The following LFNG variants were observed in gnomAD, a reference collection of about 807,000 sequenced individuals.
The protein encoded by LFNG is beta-1,3-N-acetylglucosaminyltransferase lunatic fringe.
LFNG carries 15 observed loss-of-function variants against 32.7 expected under a neutral mutation model. The ratio of observed to expected loss-of-function variants is 0.46; its 90% CI spans 0.31 to 0.71. The LOEUF (loss-of-function observed/expected upper bound fraction) is 0.71. LFNG is among the 30% of genes least tolerant of loss of function. The pLI is 0.06. For missense variants in LFNG, 520 were observed against 545.7 expected, an observed-to-expected ratio of 0.95 and a Z score of 0.47; for synonymous variants, 274 against 246.8, an observed-to-expected ratio of 1.11 and a Z score of -1.03.
chr7:2,514,937 T>C (rs189187664), upstream of LFNG, among the ~76,000 whole-genome samples: 222 of 152,122 alleles, frequency 1.5e-3, no homozygotes, highest in African/African-American at 5.0e-3. Context: ...CTTCCATCCA[T>C]CCATGTATCT....
At position 2,527,549 on chromosome 7, in the gene LFNG, C is replaced by G. The variant is rs1315395945; in HGVS notation, c.*337C>G. ...TGGATCTTTCTACAGCTACGGGGCTCCGGGCTACTTTGCAGGGATGCGATG... is the reference window on the plus strand; with the variant it reads ...TGGATCTTTCTACAGCTACGGGGCTGCGGGCTACTTTGCAGGGATGCGATG... On this transcript the variant is annotated 3_prime_UTR_variant, in exon 8 of 8. Coordinates refer to ENST00000222725, the MANE Select transcript of LFNG (RefSeq NM_001040167.2). This position sits in a 1 kb window ranked among gnomAD's most constrained non-coding sequence, Gnocchi z 4.4. 1 of 1,266,374 alleles carries G rather than the reference C, an allele frequency of 7.9e-7. No homozygotes were observed. The highest frequency in any genetic ancestry group is 4.1e-5 in the East Asian group (1 of 24,458). The allele number at this position is 1,266,374 out of a possible 1,614,324, so 78.4% of individuals were successfully genotyped here. A position where few individuals can be genotyped will look rare whatever the true frequency, so the allele number is the denominator to read the frequency against.
intron 1 of LFNG, among the ~76,000 whole-genome samples, chr7:2,522,603 G>A (rs1476481797): frequency 2.0e-5 from 3 of 147,188 alleles, no homozygotes; most frequent in Admixed American, 1.3e-4. Flanking sequence ...TCATCCACCC[G>A]GCTCTTCCTC....
upstream of LFNG, among the ~76,000 whole-genome samples, chr7:2,515,508 G>A (rs1779608100): frequency 6.6e-6 from 1 of 152,200 alleles, no homozygotes; most frequent in African/African-American, 2.4e-5. Context: ...CTCAGGCCAG[G>A]ATGCCCCCCG....
Position 2,520,350 on chromosome 7 carries a change from T to A in LFNG, c.432+57T>A. ...AGCGGGGCGGGGACCCACCATCTGGTCCAGCTGGTGGCAGTGTCCCATGGG... is the reference window on the plus strand; with the variant it reads ...AGCGGGGCGGGGACCCACCATCTGGACCAGCTGGTGGCAGTGTCCCATGGG... On this transcript the variant is annotated intron_variant, in intron 1 of 7. Transcript: ENST00000222725. This position sits in a 1 kb window ranked among gnomAD's most constrained non-coding sequence, Gnocchi z 5.0. 1.4e-6 allele frequency: 2 copies of A among 1,481,036 alleles called. No homozygotes were observed. Among genetic ancestry groups the A allele is most frequent in the South Asian group, 1.1e-5 (1 of 87,018 alleles). The allele number at this position is 1,481,036 out of a possible 1,614,324, so 91.7% of individuals were successfully genotyped here.
Position 2,527,937 on chromosome 7 carries a change from TCTC to T in LFNG, c.*729_*731del, listed in dbSNP as rs748765275. 17 of 985,988 alleles carry T rather than the reference TCTC, an allele frequency of 1.7e-5. No individual in the cohort carries two copies. Among genetic ancestry groups the T allele is most frequent in the Non-Finnish European group, 1.9e-5 (16 of 830,394 alleles). The allele number at this position is 985,988 out of a possible 1,614,324, so 61.1% of individuals were successfully genotyped here. ...GGGTGAGTCAGAGCTCAGCATTTAA[TCTC>T]CTCTCCAAAGTAGAGAGCAAGTCGC... On this transcript the variant is annotated 3_prime_UTR_variant, in exon 8 of 8. Transcript: ENST00000222725. The surrounding 1 kb of genome is among the most constrained non-coding windows in gnomAD (Gnocchi z 4.4).
Position 2,520,015 on chromosome 7 carries a change from GC to G in LFNG, c.158del (p.Pro53ArgfsTer92). On this transcript the variant is annotated frameshift_variant, in exon 1 of 8. Transcript: ENST00000222725. LOFTEE classifies it high-confidence loss of function. The surrounding 1 kb of genome is among the most constrained non-coding windows in gnomAD (Gnocchi z 5.0). ...CAGCCTGGCGGGCCCCGCGGGGGCT[GC>G]CCCGGCGCCCGGGCTGGGGGCGGCG... ...LRSLAGPAGA[A>X]PAPGLGAAAA... The G allele has an allele frequency of 2.0e-6, 2 of 998,302 alleles. No individual in the cohort carries two copies. Among genetic ancestry groups the G allele is most frequent in the Non-Finnish European group, 2.4e-6 (2 of 841,764 alleles). The allele number at this position is 998,302 out of a possible 1,614,324, so 61.8% of individuals were successfully genotyped here.
Position 2,520,036 on chromosome 7 carries a change from G to A in LFNG, c.175G>A (p.Ala59Thr), listed in dbSNP as rs1779741096. ...AGAAPAPGLG[A>T]AAAAPGALVR... ...GGCTGCCCCGGCGCCCGGGCTGGGGGCGGCGGCGGCGGCGCCCGGGGCGCT... is the reference window on the plus strand; with the variant it reads ...GGCTGCCCCGGCGCCCGGGCTGGGGACGGCGGCGGCGGCGCCCGGGGCGCT... The change falls in exon 1 of 8, where the codon GCG (alanine) becomes ACG (threonine). Residue 59 changes from alanine (A) to threonine (T), a missense_variant. By Grantham distance (58) the Ala-to-Thr change is moderately conservative (BLOSUM62 0). Transcript: ENST00000222725. The surrounding 1 kb of genome is among the most constrained non-coding windows in gnomAD (Gnocchi z 5.0). 2 of 1,048,520 alleles carry A rather than the reference G, an allele frequency of 1.9e-6. No individual in the cohort carries two copies. Among genetic ancestry groups the A allele is most frequent in the Non-Finnish European group, 2.3e-6 (2 of 874,478 alleles). The allele number at this position is 1,048,520 out of a possible 1,614,324, so 65.0% of individuals were successfully genotyped here. A position where few individuals can be genotyped will look rare whatever the true frequency, so the allele number is the denominator to read the frequency against.
intron 5 of LFNG, 75 bp downstream of exon 5, chr7:2,525,845 TCCCAG>T: frequency 7.6e-7 from 1 of 1,309,686 alleles, no homozygotes; most frequent in Non-Finnish European, 1.1e-6. Context: ...TAGTTCATCT[TCCCAG>T]CCATGGGGTG....
chr7:2,527,709 G>A lies in LFNG; in HGVS notation c.*497G>A, dbSNP rs1780036143. 3 of 1,063,456 alleles carry A rather than the reference G, an allele frequency of 2.8e-6. No individual in the cohort carries two copies. The South Asian group carries it at 8.7e-5, about 31-fold the overall frequency. The allele number at this position is 1,063,456 out of a possible 1,614,324, so 65.9% of individuals were successfully genotyped here. A position where few individuals can be genotyped will look rare whatever the true frequency, so the allele number is the denominator to read the frequency against. On this transcript the variant is annotated 3_prime_UTR_variant, in exon 8 of 8. Coordinates refer to ENST00000222725, the MANE Select transcript of LFNG (RefSeq NM_001040167.2). The surrounding 1 kb of genome is among the most constrained non-coding windows in gnomAD (Gnocchi z 4.4). ...CTCATTGCAGGGGAGGCTGGGTCTG[G>A]GGGTGCGTGACCCAATCCCCTTCCT...
At chr7:2,513,296 C>T, upstream of LFNG, 1 of 1,610,896 alleles carries the variant, frequency 6.2e-7, no homozygotes, top group Non-Finnish European at 8.5e-7. Context: ...AACACCAGCT[C>T]TCAGGTCCTA....
At chr7:2,525,186 C>T in intron 2 of LFNG, 33 bp from the exon 3 acceptor site, 1 of 1,587,932 alleles carries the variant, frequency 6.3e-7, no homozygotes, top group African/African-American at 1.3e-5. Context: ...GGAGCCGGCT[C>T]AGACCTACTC....
At position 2,520,324 on chromosome 7, in the gene LFNG, G is replaced by T; in HGVS notation, c.432+31G>T. 1 of 1,590,002 alleles carries T rather than the reference G, an allele frequency of 6.3e-7. No individual in the cohort carries two copies. The highest frequency in any genetic ancestry group is 1.1e-5 in the South Asian group (1 of 90,116). ...CCCCCCGCGGCCTGGACTGGCGGGCGAGCGGGGCGGGGACCCACCATCTGG... is the reference window on the plus strand; with the variant it reads ...CCCCCCGCGGCCTGGACTGGCGGGCTAGCGGGGCGGGGACCCACCATCTGG... On this transcript the variant is annotated intron_variant, in intron 1 of 7. Transcript: ENST00000222725. This position sits in a 1 kb window ranked among gnomAD's most constrained non-coding sequence, Gnocchi z 5.0.
In LFNG at chr7:2,525,489, C is replaced by G; in HGVS notation, c.657C>G (p.His219Gln). Reference sequence around the variant, plus strand: ...TGCGGCTGCTGGCCAGCTACCCGCACACGCGGGACGTCTACGTCGGCAAGC... The same window carrying G: ...TGCGGCTGCTGGCCAGCTACCCGCAGACGCGGGACGTCTACGTCGGCAAGC... Reference protein sequence around the residue: ...ALLRLLASYPHTRDVYVGKPS... With the variant: ...ALLRLLASYPQTRDVYVGKPS... The change falls in exon 4 of 8, where the codon CAC becomes CAG. Residue 219 changes from histidine to glutamine, a missense_variant. Around this residue, in one of 3 missense-constraint regions of LFNG, gnomAD observed 360 missense variants for 354.7 expected, o/e 1.01. Coordinates refer to ENST00000222725, the MANE Select transcript of LFNG (RefSeq NM_001040167.2). 3 of 1,612,452 alleles carry G rather than the reference C, an allele frequency of 1.9e-6. No homozygotes were observed. The highest frequency in any genetic ancestry group is 2.5e-6 in the Non-Finnish European group (3 of 1,179,870).
chr7:2,521,353 G>A (rs1779785376), intron 1 of LFNG, among the ~76,000 whole-genome samples: 1 of 152,150 alleles, frequency 6.6e-6, no homozygotes, highest in African/African-American at 2.4e-5. Context: ...GGCGGGGGCC[G>A]TGGGTTTTGT....
chr7:2,517,685 C>T (rs374034481), upstream of LFNG: 11 of 462,216 alleles, frequency 2.4e-5, no homozygotes, highest in African/African-American at 1.4e-4. Flanking sequence ...CACCCACCAT[C>T]GGTGCCACTG....
upstream of LFNG, among the ~76,000 whole-genome samples, chr7:2,515,954 C>T (rs562582720): frequency 2.6e-5 from 4 of 152,356 alleles, no homozygotes; most frequent in South Asian, 6.2e-4. Flanking sequence ...AGCCAACCTT[C>T]CCATCACCCT....
intron 1 of LFNG, among the ~76,000 whole-genome samples, chr7:2,522,779 A>G (rs1017809602): frequency 6.6e-6 from 1 of 152,150 alleles, no homozygotes; most frequent in Non-Finnish European, 1.5e-5. Context: ...CTCAGCTGGT[A>G]ATGGCACCCA....
chr7:2,522,559 G>A (rs1779822531), intron 1 of LFNG, among the ~76,000 whole-genome samples: 1 of 144,548 alleles, frequency 6.9e-6, no homozygotes, highest in Non-Finnish European at 1.5e-5. Context: ...GCTGCTTCCT[G>A]TGGGTGTCCC....
At chr7:2,516,537 C>T (rs938909060), upstream of LFNG, among the ~76,000 whole-genome samples, 2 of 152,200 alleles carry the variant, frequency 1.3e-5, no homozygotes, top group Non-Finnish European at 2.9e-5. Context: ...CCGGGCTGAG[C>T]CCTGGCAGTT....
Sources: allele counts gnomAD v4.1 joint callset (sites outside exome capture counted in the v4.1 genomes callset), GRCh38; gene constraint gnomAD v4.1.1; regional missense constraint gnomAD v4.1.1; non-coding constraint Gnocchi (gnomAD v3.1); transcripts MANE v1.5; gene names NCBI Gene and HGNC (gene_info 2026-07-23, HGNC 2026-07-21).